GABBR1: variants seen among roughly 807,000 people sequenced by gnomAD.
GABBR1 encodes the protein gamma-aminobutyric acid type B receptor subunit 1.
In GABBR1, 35 loss-of-function variants were observed where a neutral mutation model predicts 117.7. That is an observed-to-expected ratio of 0.30 (90% CI 0.23 to 0.39). The LOEUF (loss-of-function observed/expected upper bound fraction) is 0.39, where lower values mean the gene tolerates loss of function less well. GABBR1 is among the 10% of genes least tolerant of loss of function. GABBR1 has a pLI of 1.00. For missense variants in GABBR1, 709 were observed against 1,241.8 expected (o/e 0.57, Z 6.45); for synonymous variants, 442 against 486.6 (o/e 0.91, Z 1.21).
At position 29,632,286 on chromosome 6, in the gene GABBR1, C is replaced by G; in HGVS notation, c.85+15G>C. ...GGAGCGAAGGAGGGCCGGAGGTCGT[C>G]GAAGAAGGATGCACCTTCTGAGGTG... is the stretch of plus-strand genomic sequence containing the variant. On this transcript the variant is annotated intron_variant, in intron 2 of 22. Transcript: ENST00000377034. This position sits in a 1 kb window ranked among gnomAD's most constrained non-coding sequence, Gnocchi z 5.8. The G allele has an allele frequency of 2.9e-6, 4 of 1,374,126 alleles. No homozygotes were observed. The highest frequency in any genetic ancestry group is 3.6e-5 in the South Asian group (2 of 56,000). 85.1% of individuals were successfully genotyped at this position (1,374,126 alleles called of 1,614,324 possible). A position where few individuals can be genotyped will look rare whatever the true frequency, so the allele number is the denominator to read the frequency against.
At chr6:29,608,788 G>A in intron 15 of GABBR1, 55 bp from the exon 16 acceptor site, 3 of 1,586,572 alleles carry the variant, frequency 1.9e-6, no homozygotes, top group Non-Finnish European at 2.6e-6. Context: ...TCTTCTCCAG[G>A]GAGGCTGAGC....
At position 29,613,035 on chromosome 6, in the gene GABBR1, G is replaced by T. The variant is rs2127409484; in HGVS notation, c.1566+208C>A. Among the ~76,000 whole-genome samples the T allele has an allele frequency of 6.6e-6, 1 of 152,184 alleles. No individual in the cohort carries two copies. The highest frequency in any genetic ancestry group is 2.4e-5 in the African/African-American group (1 of 41,506). On this transcript the variant is annotated intron_variant, in intron 12 of 22. Coordinates refer to ENST00000377034, the MANE Select transcript of GABBR1 (RefSeq NM_001470.4). This position sits in a 1 kb window ranked among gnomAD's most constrained non-coding sequence, Gnocchi z 4.1. Reference sequence around the variant, plus strand: ...CTAGTTTGAAAAGAAATGAGGGGAGGGGTTTAAAAAAATGGAATACATCAT... The same window carrying T: ...CTAGTTTGAAAAGAAATGAGGGGAGTGGTTTAAAAAAATGGAATACATCAT...
In GABBR1 at chr6:29,609,697, C is replaced by T. The variant is rs1048184341; in HGVS notation, c.1709-318G>A. ...TTGTTTGTTCTTTAAGTTTTTCTGT[C>T]TTTCTTACAGCAAAGGAAAATGGGA... On this transcript the variant is annotated intron_variant, in intron 14 of 22. Coordinates refer to ENST00000377034, the MANE Select transcript of GABBR1 (RefSeq NM_001470.4). The surrounding 1 kb of genome is among the most constrained non-coding windows in gnomAD (Gnocchi z 4.3). 2.0e-5 allele frequency among the ~76,000 whole-genome samples: 3 copies of T among 152,056 alleles called. No homozygotes were observed. The highest frequency in any genetic ancestry group is 2.0e-4 in the Admixed American group (3 of 15,262).
Position 29,623,795 on chromosome 6 carries a change from A to T in GABBR1, c.792+95T>A. 7.0e-7 allele frequency: 1 copy of T among 1,425,800 alleles called. No homozygotes were observed. The highest frequency in any genetic ancestry group is 9.6e-7 in the Non-Finnish European group (1 of 1,044,674). The allele number at this position is 1,425,800 out of a possible 1,614,324, so 88.3% of individuals were successfully genotyped here. On this transcript the variant is annotated intron_variant, in intron 7 of 22. Transcript: ENST00000377034. This position sits in a 1 kb window ranked among gnomAD's most constrained non-coding sequence, Gnocchi z 6.2. ...TGAATCTTAGTAGCAGGTCCTCCAC[A>T]CTCCTTTTCAATACAAACCCACAAT...
chr6:29,624,267 T>G, intron 6 of GABBR1: 1 of 412,866 alleles, frequency 2.4e-6, no homozygotes, highest in Non-Finnish European at 4.4e-6. Context: ...TGCACACCCC[T>G]CCTTTGGTAT....
In GABBR1 at chr6:29,630,384, T is replaced by A; in HGVS notation, c.475+74A>T. 7.6e-7 allele frequency: 1 copy of A among 1,321,724 alleles called. No individual in the cohort carries two copies. Among genetic ancestry groups the A allele is most frequent in the Middle Eastern group, 2.6e-4 (1 of 3,908 alleles). The allele number at this position is 1,321,724 out of a possible 1,614,324, so 81.9% of individuals were successfully genotyped here. A position where few individuals can be genotyped will look rare whatever the true frequency, so the allele number is the denominator to read the frequency against. On this transcript the variant is annotated intron_variant, in intron 4 of 22. Transcript: ENST00000377034. This position sits in a 1 kb window ranked among gnomAD's most constrained non-coding sequence, Gnocchi z 4.9. ...TTTATAGCTCTCCATTCTTTCCCAT[T>A]ATCCATTCCCACCCCACTCCCATCC...
chr6:29,615,493 C>T (rs1762985161), intron 11 of GABBR1, among the ~76,000 whole-genome samples: 1 of 151,058 alleles, frequency 6.6e-6, no homozygotes, highest in African/African-American at 2.4e-5. Flanking sequence ...CCCGTAATCC[C>T]AGCTACTTGG....
intron 11 of GABBR1, among the ~76,000 whole-genome samples, chr6:29,615,533 C>T (rs1473918866): frequency 6.7e-6 from 1 of 148,656 alleles, no homozygotes; most frequent in African/African-American, 2.5e-5. Flanking sequence ...CGCTTGAACT[C>T]AAGAGGCAGA....
chr6:29,605,665 C>A lies in GABBR1; in HGVS notation c.2343G>T (p.Leu781=). 1 of 1,613,138 alleles carries A rather than the reference C, an allele frequency of 6.2e-7. No homozygotes were observed. Among genetic ancestry groups the A allele is most frequent in the East Asian group, 2.2e-5 (1 of 44,878 alleles). The change falls in exon 20 of 23, where the codon CTG becomes CTT. Residue 781 remains leucine, a synonymous_variant. Coordinates refer to ENST00000377034, the MANE Select transcript of GABBR1 (RefSeq NM_001470.4). This position sits in a 1 kb window ranked among gnomAD's most constrained non-coding sequence, Gnocchi z 4.2. ...CATAAGCAAGGAAGATTCCCAGCAG[C>A]AGCAGCAGCCCCTTGTAACCATAGA... is the stretch of plus-strand genomic sequence containing the variant. ...GIFYGYKGLL[L]LLGIFLAYET...
chr6:29,629,183 C>T (rs745998526), intron 4 of GABBR1, 76 bp from the exon 5 acceptor site: 3 of 1,515,090 alleles, frequency 2.0e-6, no homozygotes, highest in East Asian at 4.5e-5. Flanking sequence ...CCCCAGCCCC[C>T]TCCCACACCT....
At chr6:29,624,057 C>T (rs1462652232) in intron 6 of GABBR1, 33 bp from the exon 7 acceptor site, 3 of 1,566,334 alleles carry the variant, frequency 1.9e-6, no homozygotes, top group East Asian at 2.3e-5. Flanking sequence ...GGCAAGCTCT[C>T]CTGGGGCCCC....
At chr6:29,608,430 G>A (rs901430275) in intron 16 of GABBR1, 171 bp downstream of exon 16, 4 of 659,920 alleles carry the variant, frequency 6.1e-6, no homozygotes, top group African/African-American at 1.8e-5. Context: ...GACACAGAAA[G>A]AAGGGACAGA....
At chr6:29,616,000 G>A (rs957474555) in intron 11 of GABBR1, among the ~76,000 whole-genome samples, 4 of 152,074 alleles carry the variant, frequency 2.6e-5, no homozygotes, top group South Asian at 2.1e-4. Context: ...TCCGGAGTTC[G>A]AGACCAGCCT....
rs1012088097 is a variant in GABBR1, at chr6:29,611,719, T to C, written c.1631-718A>G. Among the ~76,000 whole-genome samples, 5 of 152,178 alleles carry C rather than the reference T, an allele frequency of 3.3e-5. No individual in the cohort carries two copies. Among genetic ancestry groups the C allele is most frequent in the African/African-American group, 1.2e-4 (5 of 41,448 alleles). On this transcript the variant is annotated intron_variant, in intron 13 of 22. Coordinates refer to ENST00000377034, the MANE Select transcript of GABBR1 (RefSeq NM_001470.4). The surrounding 1 kb of genome is among the most constrained non-coding windows in gnomAD (Gnocchi z 4.6). ...ATGCCGTAAAAGACTGAGAGCCGAGTGGAGCAGAAAAATTAACTCCTAGAA... is the reference window on the plus strand; with the variant it reads ...ATGCCGTAAAAGACTGAGAGCCGAGCGGAGCAGAAAAATTAACTCCTAGAA...
In GABBR1 at chr6:29,611,733, T is replaced by G. The variant is rs1332463160; in HGVS notation, c.1631-732A>C. ...TGAGAGCCGAGTGGAGCAGAAAAAT[T>G]AACTCCTAGAAGTTCTGCAAATACC... On this transcript the variant is annotated intron_variant, in intron 13 of 22. Coordinates refer to ENST00000377034, the MANE Select transcript of GABBR1 (RefSeq NM_001470.4). The surrounding 1 kb of genome is among the most constrained non-coding windows in gnomAD (Gnocchi z 4.6). Among the ~76,000 whole-genome samples, 1 of 152,176 alleles carries G rather than the reference T, an allele frequency of 6.6e-6. No homozygotes were observed. The highest frequency in any genetic ancestry group is 6.5e-5 in the Admixed American group (1 of 15,282).
intron 22 of GABBR1, 92 bp from the exon 23 acceptor site, chr6:29,603,808 G>C (rs575184595): frequency 1.0e-6 from 1 of 997,776 alleles, no homozygotes; most frequent in East Asian, 2.8e-5. Context: ...CAGGGAAAGA[G>C]AGGAAGGGCA....
chr6:29,622,830 C>T lies in GABBR1; in HGVS notation c.963+475G>A, dbSNP rs1763897140. On this transcript the variant is annotated intron_variant, in intron 8 of 22. Transcript: ENST00000377034. The surrounding 1 kb of genome is among the most constrained non-coding windows in gnomAD (Gnocchi z 4.6). ...AGATCCATGCAGCTGCCTTTCTGCC[C>T]CTCTCTCTCCTCTCCCTCATTCCTC... is the stretch of plus-strand genomic sequence containing the variant. 6.6e-6 allele frequency among the ~76,000 whole-genome samples: 1 copy of T among 151,694 alleles called. No homozygotes were observed. Among genetic ancestry groups the T allele is most frequent in the Non-Finnish European group, 1.5e-5 (1 of 67,908 alleles).
Position 29,630,266 on chromosome 6 carries a change from A to G in GABBR1, c.475+192T>C. The G allele has an allele frequency of 1.9e-6, 1 of 532,806 alleles. No homozygotes were observed. Among genetic ancestry groups the G allele is most frequent in the East Asian group, 2.8e-5 (1 of 35,526 alleles). 33.0% of individuals were successfully genotyped at this position (532,806 alleles called of 1,614,324 possible). A position where few individuals can be genotyped will look rare whatever the true frequency, so the allele number is the denominator to read the frequency against. On this transcript the variant is annotated intron_variant, in intron 4 of 22. Coordinates refer to ENST00000377034, the MANE Select transcript of GABBR1 (RefSeq NM_001470.4). This position sits in a 1 kb window ranked among gnomAD's most constrained non-coding sequence, Gnocchi z 4.9. Reference sequence around the variant, plus strand: ...TAAAGGAAGGAAGCCCCCAACCTACAGAGGATACCGGGGACTGCAAGAGGA... The same window carrying G: ...TAAAGGAAGGAAGCCCCCAACCTACGGAGGATACCGGGGACTGCAAGAGGA...
At chr6:29,618,573 G>A (rs1386195077) in intron 11 of GABBR1, among the ~76,000 whole-genome samples, 3 of 152,132 alleles carry the variant, frequency 2.0e-5, no homozygotes, top group Admixed American at 6.5e-5. Context: ...ATATCTTGAG[G>A]TAGCTTTTTA....
Sources: allele counts gnomAD v4.1 joint callset (sites outside exome capture counted in the v4.1 genomes callset), GRCh38; gene constraint gnomAD v4.1.1; non-coding constraint Gnocchi (gnomAD v3.1); transcripts MANE v1.5; gene names NCBI Gene and HGNC (gene_info 2026-07-23, HGNC 2026-07-21).